Variants in SGCD observed in about 807,000 individuals in gnomAD.
SGCD encodes sarcoglycan delta.
A neutral mutation model predicts 36.6 loss-of-function variants in SGCD; 18 were observed. The ratio of observed to expected loss-of-function variants is 0.49; its 90% CI spans 0.34 to 0.73. The LOEUF is 0.73. SGCD is among the 30% of genes least tolerant of loss of function. SGCD has a pLI of 0.01. For missense variants in SGCD, 387 were observed against 346.7 expected (o/e 1.12, Z -0.92); for synonymous variants, 133 against 130.6 (o/e 1.02, Z -0.12).
chr5:156,375,755 CTG>C (rs1770630562), intron 3 of SGCD, among the ~76,000 whole-genome samples: 1 of 152,122 alleles, frequency 6.6e-6, no homozygotes, highest in African/African-American at 2.4e-5. Context: ...CATAAGGAGA[CTG>C]TATTATTTTT....
the SGCD span, among the ~76,000 whole-genome samples, chr5:155,792,622 G>A: frequency 6.6e-6 from 1 of 151,952 alleles, no homozygotes; most frequent in Admixed American, 6.6e-5. Flanking sequence ...CTCAAAAGAA[G>A]ACATGCAAGG....
intron 1 of SGCD, among the ~76,000 whole-genome samples, chr5:155,935,554 T>G (rs6556055): frequency 0.87 from 132,179 of 152,194 alleles, 57,404 homozygotes; most frequent in Admixed American, 0.91. Flanking sequence ...GCTATCTAAG[T>G]AGTCATATCT....
intron 1 of SGCD, among the ~76,000 whole-genome samples, chr5:156,092,793 T>C (rs993452418): frequency 1.3e-5 from 2 of 152,244 alleles, no homozygotes; most frequent in Middle Eastern, 3.2e-3. Context: ...GGATTGGGCA[T>C]TCTGACATAT....
intron 1 of SGCD, among the ~76,000 whole-genome samples, chr5:155,879,080 A>G (rs1378250859): frequency 1.4e-5 from 2 of 145,430 alleles, no homozygotes; most frequent in Non-Finnish European, 3.0e-5. Context: ...CTGCACACTT[A>G]AAAAAAAAAA....
chr5:156,635,585 C>T lies in SGCD; in HGVS notation c.503-11879C>T, dbSNP rs541313396. Among the ~76,000 whole-genome samples, 15 of 152,126 alleles carry T rather than the reference C, an allele frequency of 9.9e-5. No individual in the cohort carries two copies. In the East Asian group the frequency reaches 1.2e-3, roughly 12 times the overall value. ...ATACTGCTGTAAAGACACATGCACA[C>T]GTATGTTTATTGCAGTACTATTCAC... is the stretch of plus-strand genomic sequence containing the variant. On this transcript the variant is annotated intron_variant, in intron 6 of 8. Transcript: ENST00000337851.
At chr5:156,127,825 G>C (rs1287627151) in intron 3 of SGCD, among the ~76,000 whole-genome samples, 1 of 104,756 alleles carries the variant, frequency 9.5e-6, no homozygotes, top group Non-Finnish European at 1.8e-5. Context: ...AAATCAGTTT[G>C]AGTCAGAGAA....
At position 156,536,726 on chromosome 5, in the gene SGCD, G is replaced by A. The variant is rs116201360; in HGVS notation, c.294+28024G>A. On this transcript the variant is annotated intron_variant, in intron 4 of 8. Transcript: ENST00000337851. ...TCCACTGAAAGTTAGTAAAAATTCTGGTGGCTCATTAAGAGACAAAACGCA... is the reference window on the plus strand; with the variant it reads ...TCCACTGAAAGTTAGTAAAAATTCTAGTGGCTCATTAAGAGACAAAACGCA... 8.7e-3 allele frequency among the ~76,000 whole-genome samples: 1,328 copies of A among 152,152 alleles called. 8 individuals are homozygous for A. Among genetic ancestry groups the A allele is most frequent in the African/African-American group, 0.03 (1,256 of 41,506 alleles).
intron 6 of SGCD, among the ~76,000 whole-genome samples, chr5:156,615,694 G>C (rs982232666): frequency 1.3e-5 from 2 of 152,192 alleles, no homozygotes; most frequent in Non-Finnish European, 2.9e-5. Context: ...GATTACCACT[G>C]TTCCTGCTCT....
At chr5:155,945,678 C>T (rs997098533) in intron 1 of SGCD, among the ~76,000 whole-genome samples, 4 of 152,004 alleles carry the variant, frequency 2.6e-5, no homozygotes, top group Non-Finnish European at 4.4e-5. Flanking sequence ...GTGCCAGGGA[C>T]CCTCAAGGAA....
chr5:155,773,876 C>T, the SGCD span, among the ~76,000 whole-genome samples: 10 of 151,998 alleles, frequency 6.6e-5, no homozygotes, highest in African/African-American at 1.2e-4. Context: ...ATGATGTCAC[C>T]GGAGCACAGG....
chr5:155,799,280 C>T, the SGCD span, among the ~76,000 whole-genome samples: 224 of 152,270 alleles, frequency 1.5e-3, 1 homozygote, highest in African/African-American at 5.1e-3. Flanking sequence ...AATCACTAAT[C>T]CTTTTCCTGC....
intron 3 of SGCD, among the ~76,000 whole-genome samples, chr5:156,291,772 C>A (rs534737264): frequency 6.6e-6 from 1 of 151,928 alleles, no homozygotes; most frequent in Non-Finnish European, 1.5e-5. Flanking sequence ...AAATTGTATG[C>A]ATTTATGGTA....
the SGCD span, among the ~76,000 whole-genome samples, chr5:155,735,504 G>A: frequency 6.6e-6 from 1 of 152,162 alleles, no homozygotes; most frequent in Non-Finnish European, 1.5e-5. Flanking sequence ...AGGGGGAAAG[G>A]GACTTGCCTG....
Position 156,446,358 on chromosome 5 carries a change from GAGA to G in SGCD, c.193-62240_193-62238del, listed in dbSNP as rs1468432078. 2.6e-5 allele frequency among the ~76,000 whole-genome samples: 4 copies of G among 152,256 alleles called. No individual in the cohort carries two copies. The East Asian group carries it at 7.7e-4, about 29-fold the overall frequency. On this transcript the variant is annotated intron_variant, in intron 3 of 8. Coordinates refer to ENST00000337851, the MANE Select transcript of SGCD (RefSeq NM_000337.6). ...ACAGTTGCACTGGGGTAGGAGGTAA[GAGA>G]AGCTCAGTGTAGGCGTGAAAATTCT...
chr5:156,113,741 C>G (rs1280676163), intron 1 of SGCD, among the ~76,000 whole-genome samples: 1 of 152,054 alleles, frequency 6.6e-6, no homozygotes, highest in Non-Finnish European at 1.5e-5. Flanking sequence ...TCATAATTAC[C>G]CAAAACTGGA....
intron 3 of SGCD, among the ~76,000 whole-genome samples, chr5:156,291,690 TG>T (rs1206907187): frequency 1.3e-5 from 2 of 152,162 alleles, no homozygotes; most frequent in African/African-American, 2.4e-5. Flanking sequence ...CTTGCCTTTT[TG>T]TTAAATGCCT....
chr5:155,921,597 T>C (rs1756880952), intron 1 of SGCD, among the ~76,000 whole-genome samples: 1 of 152,090 alleles, frequency 6.6e-6, no homozygotes, highest in Non-Finnish European at 1.5e-5. Context: ...GGCTGAAGTG[T>C]CAGTGCGAGA....
At chr5:155,817,401 C>A in the SGCD span, among the ~76,000 whole-genome samples, 1 of 151,346 alleles carries the variant, frequency 6.6e-6, no homozygotes, top group African/African-American at 2.4e-5. Context: ...CTAGGAGCCG[C>A]TTTTCTCGTG....
chr5:156,067,948 C>T (rs1006180456), intron 1 of SGCD, among the ~76,000 whole-genome samples: 4 of 129,118 alleles, frequency 3.1e-5, no homozygotes, highest in Non-Finnish European at 5.9e-5. Flanking sequence ...TCCTATTCGG[C>T]CATCTTGGCT....
Sources: allele counts gnomAD v4.1 joint callset (sites outside exome capture counted in the v4.1 genomes callset), GRCh38; gene constraint gnomAD v4.1.1; transcripts MANE v1.5; gene names NCBI Gene and HGNC (gene_info 2026-07-23, HGNC 2026-07-21).